Variants in ECEL1 observed in about 807,000 individuals in gnomAD.
ECEL1 encodes the protein endothelin-converting enzyme-like 1.
Under a neutral mutation model 101.8 loss-of-function variants are expected in ECEL1, and 87 were observed. The ratio of observed to expected loss-of-function variants is 0.85; its 90% CI spans 0.72 to 1.02. ECEL1 has a LOEUF of 1.02. Ranked by LOEUF, ECEL1 falls within the 50% of genes least tolerant of loss-of-function variation. The pLI, the probability that ECEL1 is intolerant of heterozygous loss-of-function variation, is 0.00. For missense variants in ECEL1, 1,032 were observed against 1,079.2 expected (o/e 0.96, Z 0.61); for synonymous variants, 487 against 468.7 (o/e 1.04, Z -0.50).
Position 232,485,258 on chromosome 2 carries a change from C to T in ECEL1, c.796G>A (p.Asp266Asn). Residue 266 changes from aspartate (D) to asparagine (N), a missense_variant, in exon 3 of 18, where the codon GAT (aspartate) becomes AAT (asparagine). Asp to Asn is a conservative substitution (Grantham distance 23, BLOSUM62 1). Coordinates refer to ENST00000304546, the MANE Select transcript of ECEL1 (RefSeq NM_004826.4). Reference sequence around the variant, plus strand: ...GTCCTCTCTGGCAGGGTGAGCCCATCCTGGTCAATCTGGGGAGGGAGACAG... The same window carrying T: ...GTCCTCTCTGGCAGGGTGAGCCCATTCTGGTCAATCTGGGGAGGGAGACAG... Reference protein sequence around the residue: ...SSRYVIRIDQDGLTLPERTLY... With the variant: ...SSRYVIRIDQNGLTLPERTLY... The T allele has an allele frequency of 6.2e-7, 1 of 1,613,422 alleles. No individual in the cohort carries two copies. The highest frequency in any genetic ancestry group is 8.5e-7 in the Non-Finnish European group (1 of 1,179,972).
Position 232,480,864 on chromosome 2 carries a change from GCTT to G in ECEL1, c.2056-54_2056-52del, listed in dbSNP as rs562530485. The G allele has an allele frequency of 2.6e-3, 3,932 of 1,537,006 alleles. 12 individuals are homozygous for G. Among genetic ancestry groups the G allele is most frequent in the Middle Eastern group, 5.6e-3 (33 of 5,914 alleles). On this transcript the variant is annotated intron_variant, in intron 15 of 17. Coordinates refer to ENST00000304546, the MANE Select transcript of ECEL1 (RefSeq NM_004826.4). ...GCTATGCCCGCCCACCCTGGGCACC[GCTT>G]CTTCTCTGTCCTCCATCTAGGTAGC...
In ECEL1 at chr2:232,485,216, C is replaced by G; in HGVS notation, c.838G>C (p.Asp280His). Residue 280 changes from aspartate to histidine, a missense_variant, in exon 3 of 18, where the codon GAT (aspartate) becomes CAT (histidine). Asp to His is a moderately conservative substitution (Grantham distance 81, BLOSUM62 -1). Coordinates refer to ENST00000304546, the MANE Select transcript of ECEL1 (RefSeq NM_004826.4). ...CCCAGCACCTTCTCACTGTCCTCAT[C>G]CTGAGCGAGGTACAGGGTCCTCTCT... ...LPERTLYLAQDEDSEKILAAY... is the reference protein window; with the variant it reads ...LPERTLYLAQHEDSEKILAAY... 1 of 1,613,718 alleles carries G rather than the reference C, an allele frequency of 6.2e-7. No homozygotes were observed. The highest frequency in any genetic ancestry group is 8.5e-7 in the Non-Finnish European group (1 of 1,180,002).
chr2:232,480,931 T>C, intron 15 of ECEL1, 118 bp from the exon 16 acceptor site: 1 of 1,340,816 alleles, frequency 7.5e-7, no homozygotes, highest in Non-Finnish European at 1.0e-6. Context: ...CCGTGAATCC[T>C]TCCTCTTCCA....
chr2:232,485,881 C>A lies in ECEL1; in HGVS notation c.773G>T (p.Arg258Leu), dbSNP rs1036935906. 10 of 1,557,314 alleles carry A rather than the reference C, an allele frequency of 6.4e-6. No homozygotes were observed. The African/African-American group carries it at 1.2e-4, about 19-fold the overall frequency. The change falls in exon 2 of 18, where the codon CGC becomes CTC. Residue 258 changes from arginine (R) to leucine (L), a missense_variant. Arg to Leu is a moderately radical substitution (Grantham distance 102). Transcript: ENST00000304546. ...TVSLDDRNSS[R>L]YVIRIDQDGL... ...GGGCGCACTCACGCGGATGACGTAG[C>A]GCGAGGAGTTCCTGTCGTCCAGGCT...
At chr2:232,483,705 C>G (rs188143515) in intron 7 of ECEL1, among the ~76,000 whole-genome samples, 191 bp from the exon 8 acceptor site, 1 of 152,376 alleles carries the variant, frequency 6.6e-6, no homozygotes, top group African/African-American at 2.4e-5. Flanking sequence ...GAGGAGGAAA[C>G]TGCCCCAGCA....
rs1215123940 is a variant in ECEL1, at chr2:232,482,944, T to C, written c.1592A>G (p.His531Arg). Reference sequence around the variant, plus strand: ...GATGTTCTTGAAGTAGGTCTTCTCATGGACCTCAAACTGCAGGAGGCACGG... The same window carrying C: ...GATGTTCTTGAAGTAGGTCTTCTCACGGACCTCAAACTGCAGGAGGCACGG... ...AVDKEYEFEVHEKTYFKNILN... is the reference protein window; with the variant it reads ...AVDKEYEFEVREKTYFKNILN... The change falls in exon 10 of 18, where the codon CAT becomes CGT. Residue 531 changes from histidine to arginine, a missense_variant. Coordinates refer to ENST00000304546, the MANE Select transcript of ECEL1 (RefSeq NM_004826.4). The C allele has an allele frequency of 2.5e-6, 4 of 1,614,144 alleles. No individual in the cohort carries two copies. The highest frequency in any genetic ancestry group is 2.5e-6 in the Non-Finnish European group (3 of 1,180,024).
intron 12 of ECEL1, among the ~76,000 whole-genome samples, chr2:232,482,109 A>T (rs1208539668): frequency 6.6e-6 from 1 of 152,250 alleles, no homozygotes; most frequent in Non-Finnish European, 1.5e-5. Context: ...AGGAGACAGG[A>T]GGGAAACGGA....
chr2:232,487,137 G>A (rs2106187714), intron 1 of ECEL1, among the ~76,000 whole-genome samples: 1 of 152,348 alleles, frequency 6.6e-6, no homozygotes, highest in South Asian at 2.1e-4. Context: ...CTGGAGTGAG[G>A]AGGTGCGGTC....
In ECEL1 at chr2:232,484,607, A is replaced by C. The variant is rs202054439; in HGVS notation, c.1060-11T>G. On this transcript the variant is annotated splice_polypyrimidine_tract_variant and intron_variant, in intron 5 of 17. Transcript: ENST00000304546. ...CCACTTCCACCGCAACTGTGAGACCAAGGACAGGGACAGTGAGGCTAGGGT... is the reference window on the plus strand; with the variant it reads ...CCACTTCCACCGCAACTGTGAGACCCAGGACAGGGACAGTGAGGCTAGGGT... The C allele has an allele frequency of 5.6e-6, 9 of 1,613,798 alleles. No individual in the cohort carries two copies. The South Asian group carries it at 6.6e-5, about 12-fold the overall frequency.
Position 232,486,105 on chromosome 2 carries a change from G to A in ECEL1, c.549C>T (p.Phe183=). Residue 183 remains phenylalanine, a synonymous_variant, in exon 2 of 18, where the codon TTC becomes TTT. Coordinates refer to ENST00000304546, the MANE Select transcript of ECEL1 (RefSeq NM_004826.4). Reference sequence around the variant, plus strand: ...CGCGCATGTCGAGGCACGAGCGGAAGAAGGCGCGCACCTTGCGCTGGGCCG... The same window carrying A: ...CGCGCATGTCGAGGCACGAGCGGAAAAAGGCGCGCACCTTGCGCTGGGCCG... The part of the protein sequence containing the change: ...GGAAQRKVRA[F]FRSCLDMREI... The A allele has an allele frequency of 6.3e-7, 1 of 1,589,580 alleles. No individual in the cohort carries two copies. The highest frequency in any genetic ancestry group is 8.5e-7 in the Non-Finnish European group (1 of 1,169,664).
In ECEL1 at chr2:232,482,420, T is replaced by C; in HGVS notation, c.1794A>G (p.Pro598=). The change falls in exon 12 of 18, where the codon CCA becomes CCG. Residue 598 remains proline (P), a splice_region_variant and synonymous_variant. Transcript: ENST00000304546. The part of the protein sequence containing the change: ...LQPTLYDPDF[P]QSLNYGGIGT... ...AACAGGGCAAGCTATGTACTCACTG[T>C]GGGAAGTCAGGGTCGTACAGGGTGG... The C allele has an allele frequency of 6.2e-7, 1 of 1,613,884 alleles. No homozygotes were observed. Among genetic ancestry groups the C allele is most frequent in the Non-Finnish European group, 8.5e-7 (1 of 1,180,004 alleles).
At position 232,486,261 on chromosome 2, in the gene ECEL1, G is replaced by C; in HGVS notation, c.393C>G (p.Cys131Trp). The change falls in exon 2 of 18, where the codon TGC (cysteine) becomes TGG (tryptophan). Residue 131 changes from cysteine to tryptophan, a missense_variant. Transcript: ENST00000304546. ...TGGCGTGGCGCCGCAGCCAACCGCC[G>C]CAGGCGAACGAGTAGAAGTCCTGGC... ...DPCQDFYSFA[C>W]GGWLRRHAIP... 2 of 1,601,188 alleles carry C rather than the reference G, an allele frequency of 1.2e-6. No homozygotes were observed. The highest frequency in any genetic ancestry group is 1.7e-6 in the Non-Finnish European group (2 of 1,178,448).
intron 3 of ECEL1, 47 bp from the exon 4 acceptor site, chr2:232,485,138 C>G (rs1690687213): frequency 6.2e-7 from 1 of 1,612,046 alleles, no homozygotes; most frequent in African/African-American, 1.3e-5. Context: ...CAGGCCTAGC[C>G]TGGATCCACC....
In ECEL1 at chr2:232,485,882, G is replaced by T. The variant is rs922546243; in HGVS notation, c.772C>A (p.Arg258Ser). 6 of 1,558,058 alleles carry T rather than the reference G, an allele frequency of 3.9e-6. No individual in the cohort carries two copies. The East Asian group carries it at 9.6e-5, about 25-fold the overall frequency. ...TVSLDDRNSSRYVIRIDQDGL... is the reference protein window; with the variant it reads ...TVSLDDRNSSSYVIRIDQDGL... ...GGCGCACTCACGCGGATGACGTAGC[G>T]CGAGGAGTTCCTGTCGTCCAGGCTG... is the stretch of plus-strand genomic sequence containing the variant. The change falls in exon 2 of 18, where the codon CGC (arginine) becomes AGC (serine). Residue 258 changes from arginine to serine, a missense_variant. By Grantham distance (110) the Arg-to-Ser change is moderately radical (BLOSUM62 -1). Transcript: ENST00000304546.
chr2:232,482,445 G>A lies in ECEL1; in HGVS notation c.1769C>T (p.Pro590Leu), dbSNP rs1690603728. 3.1e-6 allele frequency: 5 copies of A among 1,613,872 alleles called. No homozygotes were observed. The highest frequency in any genetic ancestry group is 4.2e-6 in the Non-Finnish European group (5 of 1,180,024). The part of the protein sequence containing the change: ...QMVFPAGILQ[P>L]TLYDPDFPQS... Reference sequence around the variant, plus strand: ...TGGGAAGTCAGGGTCGTACAGGGTGGGCTGCAGGATGCCCGCGGGGAACAC... The same window carrying A: ...TGGGAAGTCAGGGTCGTACAGGGTGAGCTGCAGGATGCCCGCGGGGAACAC... The change falls in exon 12 of 18, where the codon CCC becomes CTC. Residue 590 changes from proline (P) to leucine (L), a missense_variant. Pro to Leu is a moderately conservative substitution (Grantham distance 98, BLOSUM62 -3). Transcript: ENST00000304546.
chr2:232,486,571 G>T lies in ECEL1; in HGVS notation c.83C>A (p.Ala28Glu). 2.2e-6 allele frequency: 3 copies of T among 1,380,098 alleles called. No individual in the cohort carries two copies. Among genetic ancestry groups the T allele is most frequent in the Non-Finnish European group, 2.8e-6 (3 of 1,069,824 alleles). The allele number at this position is 1,380,098 out of a possible 1,614,324, so 85.5% of individuals were successfully genotyped here. Residue 28 changes from alanine (A) to glutamate (E), a missense_variant, in exon 2 of 18, where the codon GCG (alanine) becomes GAG (glutamate). Physicochemically the swap from Ala to Glu is moderately radical, Grantham distance 107 (BLOSUM62 -1). Transcript: ENST00000304546. ...GCCCGGGGGCAGGGAGGCCCCGCGC[G>T]CGCCCCCCGCGCCGCAGCGGCTCAC... Reference protein sequence around the residue: ...KYVSRCGAGGARGASLPPGFP... With the variant: ...KYVSRCGAGGERGASLPPGFP...
rs1289873823 is a variant in ECEL1, at chr2:232,483,126, A to T, written c.1560T>A (p.Asp520Glu). ...VGYPDFLLKP[D>E]AVDKEYEFEV... The stretch of plus-strand genomic sequence containing the variant: ...CCACCTCATACTCCTTGTCCACAGC[A>T]TCGGGTTTCAGCAGGAAGTCCGGGT... The change falls in exon 9 of 18, where the codon GAT becomes GAA. Residue 520 changes from aspartate to glutamate, a missense_variant. Coordinates refer to ENST00000304546, the MANE Select transcript of ECEL1 (RefSeq NM_004826.4). 3.1e-6 allele frequency: 5 copies of T among 1,609,298 alleles called. No individual in the cohort carries two copies. The highest frequency in any genetic ancestry group is 2.2e-5 in the South Asian group (2 of 90,540).
At position 232,486,380 on chromosome 2, in the gene ECEL1, C is replaced by T. The variant is rs1690728834; in HGVS notation, c.274G>A (p.Gly92Ser). Residue 92 changes from glycine (G) to serine (S), a missense_variant, in exon 2 of 18, where the codon GGC (glycine) becomes AGC (serine). Physicochemically the swap from Gly to Ser is moderately conservative, Grantham distance 56. Coordinates refer to ENST00000304546, the MANE Select transcript of ECEL1 (RefSeq NM_004826.4). Reference sequence around the variant, plus strand: ...GGGCAGCCCTCGGGACAGGCGCCGCCGCCGGCCGCGACCGGGCCCAGGTAC... The same window carrying T: ...GGGCAGCCCTCGGGACAGGCGCCGCTGCCGGCCGCGACCGGGCCCAGGTAC... ...LKYLGPVAAG[G>S]GACPEGCPER... 6.7e-7 allele frequency: 1 copy of T among 1,483,810 alleles called. No individual in the cohort carries two copies. 91.9% of individuals were successfully genotyped at this position (1,483,810 alleles called of 1,614,324 possible).
Position 232,479,899 on chromosome 2 carries a change from TG to T in ECEL1, c.*253del. ...AAGGTGGGGCCCGTACAATCCAGCC[TG>T]GCAGAGGGTCTGGCCCCCTTAGAGC... is the stretch of plus-strand genomic sequence containing the variant. On this transcript the variant is annotated 3_prime_UTR_variant, in exon 18 of 18. Transcript: ENST00000304546. 1 of 556,062 alleles carries T rather than the reference TG, an allele frequency of 1.8e-6. No homozygotes were observed. Among genetic ancestry groups the T allele is most frequent in the Non-Finnish European group, 3.2e-6 (1 of 309,686 alleles). The allele number at this position is 556,062 out of a possible 1,614,324, so 34.4% of individuals were successfully genotyped here.
Sources: allele counts gnomAD v4.1 joint callset (sites outside exome capture counted in the v4.1 genomes callset), GRCh38; gene constraint gnomAD v4.1.1; transcripts MANE v1.5; gene names NCBI Gene and HGNC (gene_info 2026-07-23, HGNC 2026-07-21).